Variants in ZNF778 observed in about 807,000 individuals in gnomAD.
ZNF778 encodes the protein zinc finger protein 778.
ZNF778 carries 37 observed loss-of-function variants against 23.9 expected under a neutral mutation model. The observed-to-expected ratio is 1.54, with a 90% CI of 1.19 to 2.03. The LOEUF (loss-of-function observed/expected upper bound fraction) is 2.03. ZNF778 is among the 30% of genes most tolerant of loss of function. The pLI is 0.00. For missense variants in ZNF778, 1,297 were observed against 934.4 expected (o/e 1.39, Z -5.06); for synonymous variants, 483 against 343.9 (o/e 1.40, Z -4.48).
intron 4 of ZNF778, 62 bp downstream of exon 4, chr16:89,223,345 G>T: frequency 1.2e-6 from 2 of 1,600,472 alleles, no homozygotes; most frequent in Non-Finnish European, 1.7e-6. Flanking sequence ...TCCTTACTGT[G>T]TTCCAGGGTT....
In ZNF778 at chr16:89,228,993, C is replaced by T. The variant is rs1222370383; in HGVS notation, c.*431C>T. 4.0e-6 allele frequency: 4 copies of T among 994,694 alleles called. No individual in the cohort carries two copies. In the South Asian group the frequency reaches 1.4e-4, roughly 34 times the overall value. The allele number at this position is 994,694 out of a possible 1,614,324, so 61.6% of individuals were successfully genotyped here. ...GTGAATGTATGGAAGATAGCAGTCG[C>T]TTCCCTGTGTTCTAAAACCTTGTGG... On this transcript the variant is annotated 3_prime_UTR_variant, in exon 7 of 7. Transcript: ENST00000433976.
In ZNF778 at chr16:89,229,260, G is replaced by C. The variant is rs1398330969; in HGVS notation, c.*698G>C. The C allele has an allele frequency of 2.0e-6, 2 of 985,512 alleles. No homozygotes were observed. The highest frequency in any genetic ancestry group is 3.5e-5 in the African/African-American group (2 of 57,224). The allele number at this position is 985,512 out of a possible 1,614,324, so 61.0% of individuals were successfully genotyped here. ...GGATCCAGATGTGATTCTTTGAGCA[G>C]CGTAGGCTCTGGTTGGTTAGTCTTG... On this transcript the variant is annotated 3_prime_UTR_variant, in exon 7 of 7. Coordinates refer to ENST00000433976, the MANE Select transcript of ZNF778 (RefSeq NM_001201407.2).
chr16:89,220,807 G>A (rs542973000), intron 1 of ZNF778, among the ~76,000 whole-genome samples, 190 bp from the exon 2 acceptor site: 2 of 152,334 alleles, frequency 1.3e-5, no homozygotes, highest in South Asian at 2.1e-4. Context: ...GTGAATGGCT[G>A]TTCTGATAAT....
intron 2 of ZNF778, 47 bp downstream of exon 2, chr16:89,221,199 G>T: frequency 1.4e-6 from 2 of 1,445,302 alleles, no homozygotes; most frequent in South Asian, 1.2e-5. Context: ...TCTAGGTCCT[G>T]ATACACAGTG....
rs970723327 is a variant in ZNF778, at chr16:89,235,406, AG to A, written c.*6845del. ...CAGCAAACACATCATCAGCCTTAGG[AG>A]CTGGCCTGTGAGGTTGACCACTCTG... is the stretch of plus-strand genomic sequence containing the variant. On this transcript the variant is annotated 3_prime_UTR_variant, in exon 7 of 7. Coordinates refer to ENST00000433976, the MANE Select transcript of ZNF778 (RefSeq NM_001201407.2). 20 of 152,308 alleles carry A rather than the reference AG, an allele frequency of 1.3e-4. No individual in the cohort carries two copies. Among genetic ancestry groups the A allele is most frequent in the African/African-American group, 4.3e-4 (18 of 41,568 alleles). 9.4% of individuals were successfully genotyped at this position (152,308 alleles called of 1,614,324 possible). A position where few individuals can be genotyped will look rare whatever the true frequency, so the allele number is the denominator to read the frequency against.
Position 89,231,059 on chromosome 16 carries a change from A to G in ZNF778, c.*2497A>G, listed in dbSNP as rs910544919. Reference sequence around the variant, plus strand: ...TTTGAAATTCTGGATGGACAGAGCCATGCACCTTCATGTTACGTGTTTGTT... The same window carrying G: ...TTTGAAATTCTGGATGGACAGAGCCGTGCACCTTCATGTTACGTGTTTGTT... On this transcript the variant is annotated 3_prime_UTR_variant, in exon 7 of 7. Transcript: ENST00000433976. 2 of 150,400 alleles carry G rather than the reference A, an allele frequency of 1.3e-5. No individual in the cohort carries two copies. The highest frequency in any genetic ancestry group is 5.0e-5 in the African/African-American group (2 of 40,288). 9.3% of individuals were successfully genotyped at this position (150,400 alleles called of 1,614,324 possible).
intron 1 of ZNF778, 76 bp from the exon 2 acceptor site, chr16:89,220,921 T>TA: frequency 3.4e-6 from 2 of 581,578 alleles, no homozygotes; most frequent in South Asian, 3.9e-5. Flanking sequence ...GGCTTTCACA[T>TA]ATATCATCTG....
rs1490840784 is a variant in ZNF778, at chr16:89,233,023, A to G, written c.*4461A>G. 65 of 1,231,608 alleles carry G rather than the reference A, an allele frequency of 5.3e-5. 1 individual carries two copies. Among genetic ancestry groups the G allele is most frequent in the African/African-American group, 4.9e-4 (25 of 51,176 alleles). The allele number at this position is 1,231,608 out of a possible 1,614,324, so 76.3% of individuals were successfully genotyped here. ...CAGCTCGCTCTGCGTATGCAACTCA[A>G]GTCGCACTGCGTATGCAACTCAGCT... On this transcript the variant is annotated 3_prime_UTR_variant, in exon 7 of 7. Coordinates refer to ENST00000433976, the MANE Select transcript of ZNF778 (RefSeq NM_001201407.2).
Position 89,227,857 on chromosome 16 carries a change from C to T in ZNF778, c.1569C>T (p.His523=). 1 of 1,614,086 alleles carries T rather than the reference C, an allele frequency of 6.2e-7. No individual in the cohort carries two copies. The highest frequency in any genetic ancestry group is 8.5e-7 in the Non-Finnish European group (1 of 1,180,008). ...CAGGGCGCTCAGGCCTCACTAAACACATGCGGACACACACCGGGGAGAAGC... is the reference window on the plus strand; with the variant it reads ...CAGGGCGCTCAGGCCTCACTAAACATATGCGGACACACACCGGGGAGAAGC... ...AFTGRSGLTK[H]MRTHTGEKPY... is the part of the protein sequence containing the mutation. The change falls in exon 7 of 7, where the codon CAC becomes CAT. Residue 523 remains histidine, a synonymous_variant. Coordinates refer to ENST00000433976, the MANE Select transcript of ZNF778 (RefSeq NM_001201407.2).
chr16:89,229,176 C>A lies in ZNF778; in HGVS notation c.*614C>A. On this transcript the variant is annotated 3_prime_UTR_variant, in exon 7 of 7. Transcript: ENST00000433976. ...CGTCGCAGCCTGGCTAACAGTAGGC[C>A]TTGAGGACTCAGATGTGATCCTGTG... 1.0e-6 allele frequency: 1 copy of A among 985,966 alleles called. No homozygotes were observed. The highest frequency in any genetic ancestry group is 1.1e-4 in the East Asian group (1 of 8,826). The allele number at this position is 985,966 out of a possible 1,614,324, so 61.1% of individuals were successfully genotyped here.
Position 89,235,247 on chromosome 16 carries a change from C to T in ZNF778, c.*6685C>T, listed in dbSNP as rs2032203670. ...GCTTGGCACCAGCACCCACTAGGCT[C>T]CAGATCGGGGCCTCATGCTGACTTC... On this transcript the variant is annotated 3_prime_UTR_variant, in exon 7 of 7. Coordinates refer to ENST00000433976, the MANE Select transcript of ZNF778 (RefSeq NM_001201407.2). 1 of 152,128 alleles carries T rather than the reference C, an allele frequency of 6.6e-6. No homozygotes were observed. Among genetic ancestry groups the T allele is most frequent in the South Asian group, 2.1e-4 (1 of 4,822 alleles). 9.4% of individuals were successfully genotyped at this position (152,128 alleles called of 1,614,324 possible).
chr16:89,219,340 T>A (rs1051854184), intron 1 of ZNF778, among the ~76,000 whole-genome samples: 3 of 152,194 alleles, frequency 2.0e-5, no homozygotes, highest in African/African-American at 7.2e-5. Context: ...TAAATATTCC[T>A]CCATTTCTTG....
intron 1 of ZNF778, among the ~76,000 whole-genome samples, chr16:89,219,459 C>G (rs1383102178): frequency 6.6e-6 from 1 of 152,218 alleles, no homozygotes; most frequent in Non-Finnish European, 1.5e-5. Context: ...TGAGTTCAGC[C>G]TTAGTCACCT....
At chr16:89,218,398 C>T (rs952136472) in intron 1 of ZNF778, 2 of 152,254 alleles carry the variant, frequency 1.3e-5, no homozygotes, top group Admixed American at 6.5e-5. Flanking sequence ...TGAAATTAAA[C>T]TGCACACATG....
intron 1 of ZNF778, among the ~76,000 whole-genome samples, chr16:89,219,490 C>T (rs1247141951): frequency 6.6e-6 from 1 of 152,216 alleles, no homozygotes; most frequent in Admixed American, 6.5e-5. Flanking sequence ...GTTAGCTGTT[C>T]CTTCTCTACT....
rs1415801828 is a variant in ZNF778 at position 89,235,608 on chromosome 16, G to C, written c.*7046G>C. 1 of 152,190 alleles carries C rather than the reference G, an allele frequency of 6.6e-6. No homozygotes were observed. The highest frequency in any genetic ancestry group is 1.5e-5 in the Non-Finnish European group (1 of 68,042). 9.4% of individuals were successfully genotyped at this position (152,190 alleles called of 1,614,324 possible). A position where few individuals can be genotyped will look rare whatever the true frequency, so the allele number is the denominator to read the frequency against. ...ATCACCCGTGGGACTGACAGACCCA[G>C]AGTGTCATAACCTAAAATTCAGAAG... On this transcript the variant is annotated 3_prime_UTR_variant, in exon 7 of 7. Coordinates refer to ENST00000433976, the MANE Select transcript of ZNF778 (RefSeq NM_001201407.2).
rs550520930 is a variant in ZNF778 at position 89,225,511 on chromosome 16, C to T, written c.329-44C>T. On this transcript the variant is annotated intron_variant, in intron 5 of 6. Coordinates refer to ENST00000433976, the MANE Select transcript of ZNF778 (RefSeq NM_001201407.2). ...GCCATGTCTTATATGAAAACAAATA[C>T]CAATGAGTTTGATCGTTTTTAGGTC... The T allele has an allele frequency of 3.2e-5, 46 of 1,457,398 alleles. No homozygotes were observed. The African/African-American group carries it at 5.2e-4, about 16-fold the overall frequency. 90.3% of individuals were successfully genotyped at this position (1,457,398 alleles called of 1,614,324 possible). A position where few individuals can be genotyped will look rare whatever the true frequency, so the allele number is the denominator to read the frequency against.
Position 89,228,525 on chromosome 16 carries a change from A to G in ZNF778, c.2237A>G (p.His746Arg), listed in dbSNP as rs374950204. 24 of 1,600,334 alleles carry G rather than the reference A, an allele frequency of 1.5e-5. No homozygotes were observed. In the East Asian group the frequency reaches 2.2e-4, roughly 15 times the overall value. ...KSFKNSSCLN[H>R]HTQIHTDEKP... ...TTTAAGAATTCCTCATGCCTTAACC[A>G]TCACACTCAAATTCACACTGATGAG... Residue 746 changes from histidine (H) to arginine (R), a missense_variant, in exon 7 of 7, where the codon CAT becomes CGT. Physicochemically the swap from His to Arg is conservative, Grantham distance 29. Transcript: ENST00000433976.
At position 89,233,295 on chromosome 16, in the gene ZNF778, C is replaced by G; in HGVS notation, c.*4733C>G. ...AACTCAGCTCGCACTGCGTATGCAA[C>G]TCAGCTCGCTCTGCGTATGCAACTC... On this transcript the variant is annotated 3_prime_UTR_variant, in exon 7 of 7. Coordinates refer to ENST00000433976, the MANE Select transcript of ZNF778 (RefSeq NM_001201407.2). The G allele has an allele frequency of 7.8e-7, 1 of 1,277,774 alleles. No homozygotes were observed. The allele number at this position is 1,277,774 out of a possible 1,614,324, so 79.2% of individuals were successfully genotyped here.
Sources: allele counts gnomAD v4.1 joint callset (sites outside exome capture counted in the v4.1 genomes callset), GRCh38; gene constraint gnomAD v4.1.1; transcripts MANE v1.5; gene names NCBI Gene and HGNC (gene_info 2026-07-23, HGNC 2026-07-21).